The following THRAP3 variants were observed in gnomAD, a reference collection of about 807,000 sequenced individuals.
The protein encoded by THRAP3 is thyroid hormone receptor associated protein 3, also known as thyroid hormone receptor-associated protein 3.
A neutral mutation model predicts 101.0 loss-of-function variants in THRAP3; 16 were observed. The observed-to-expected ratio is 0.16, with a 90% CI of 0.11 to 0.24. The LOEUF is 0.24. THRAP3 is among the 10% of genes least tolerant of loss of function. The pLI is 1.00. For synonymous variants in THRAP3, 407 were observed against 422.6 expected (o/e 0.96, Z 0.45); for missense variants, 989 against 1,202.7 (o/e 0.82, Z 2.63).
intron 4 of THRAP3, chr1:36,288,722 T>C: frequency 3.0e-6 from 3 of 985,468 alleles, no homozygotes; most frequent in Non-Finnish European, 3.6e-6. Flanking sequence ...GGTAAGACCT[T>C]AAGTTATTTT....
intron 1 of THRAP3, among the ~76,000 whole-genome samples, chr1:36,251,940 C>T (rs1433906582): frequency 6.6e-6 from 1 of 152,116 alleles, no homozygotes; most frequent in Non-Finnish European, 1.5e-5. Context: ...GGCTTCAGAG[C>T]CAGATGTGCT....
At chr1:36,222,421 T>C (rs989071573), upstream of THRAP3, among the ~76,000 whole-genome samples, 2 of 152,094 alleles carry the variant, frequency 1.3e-5, no homozygotes, top group African/African-American at 2.4e-5. Context: ...TTTTCTTTTT[T>C]TTTGAGACGG....
chr1:36,210,746 AAAGTGTCAGC>A, the THRAP3 span, among the ~76,000 whole-genome samples: 2 of 98,868 alleles, frequency 2.0e-5, no homozygotes, highest in Admixed American at 1.4e-4. Context: ...TCATATATAT[AAAGTGTCAGC>A]TTTGGAAACA....
At chr1:36,287,845 T>C in intron 4 of THRAP3, 1 of 985,428 alleles carries the variant, frequency 1.0e-6, no homozygotes, top group Non-Finnish European at 1.2e-6. Context: ...ATGACAGTGC[T>C]TCCGTCTTTC....
intron 8 of THRAP3, among the ~76,000 whole-genome samples, chr1:36,295,654 CCCTTCCCCTT>C (rs529819975): frequency 8.0e-4 from 121 of 151,322 alleles, no homozygotes; most frequent in African/African-American, 2.6e-3. Context: ...GTTTCTTTCC[CCCTTCCCCTT>C]CCTTTCCCTT....
At chr1:36,214,501 C>CT in the THRAP3 span, among the ~76,000 whole-genome samples, 502 of 152,310 alleles carry the variant, frequency 3.3e-3, 4 homozygotes, top group African/African-American at 0.012. Flanking sequence ...CCTCACTGGT[C>CT]TCCCCACTTT....
chr1:36,253,065 G>C (rs190394589), intron 1 of THRAP3, among the ~76,000 whole-genome samples: 387 of 150,784 alleles, frequency 2.6e-3, no homozygotes, highest in Non-Finnish European at 4.2e-3. Flanking sequence ...GGGTTTCCAA[G>C]TTAGCAGTGC....
rs368965327 is a variant in THRAP3, at chr1:36,301,292, T to C, written c.2502+208T>C. The stretch of plus-strand genomic sequence containing the variant: ...AATCACTTAGCTAGAAAGCCTCTTA[T>C]GGCTTCTGGTCTCAGAACTTCCCCC... On this transcript the variant is annotated intron_variant, in intron 10 of 11. Transcript: ENST00000354618. 5.9e-5 allele frequency among the ~76,000 whole-genome samples: 9 copies of C among 152,358 alleles called. No individual in the cohort carries two copies. In the East Asian group the frequency reaches 9.6e-4, roughly 16 times the overall value.
intron 8 of THRAP3, among the ~76,000 whole-genome samples, chr1:36,294,835 C>G (rs1645924572): frequency 1.3e-5 from 2 of 152,142 alleles, no homozygotes; most frequent in South Asian, 4.1e-4. Context: ...AGGTGTTACC[C>G]CTGGGAGCAG....
intron 1 of THRAP3, among the ~76,000 whole-genome samples, chr1:36,249,720 G>GTGT (rs1553193619): frequency 4.1e-5 from 6 of 146,914 alleles, no homozygotes; most frequent in East Asian, 2.0e-4. Context: ...GTGTGTGTGT[G>GTGT]GTGGAGGTTG....
At chr1:36,273,439 G>A (rs143215187) in intron 2 of THRAP3, among the ~76,000 whole-genome samples, 1 of 152,058 alleles carries the variant, frequency 6.6e-6, no homozygotes, top group East Asian at 1.9e-4. Context: ...ATGATAAAGG[G>A]CATCTATGAA....
intron 2 of THRAP3, among the ~76,000 whole-genome samples, chr1:36,277,993 C>G (rs1645682768): frequency 6.6e-6 from 1 of 151,444 alleles, no homozygotes; most frequent in South Asian, 2.1e-4. Flanking sequence ...GAACTCCTGA[C>G]CTCAGGTGAT....
chr1:36,232,879 C>CTTTTT (rs11448026), intron 1 of THRAP3, among the ~76,000 whole-genome samples: 22 of 139,132 alleles, frequency 1.6e-4, no homozygotes, highest in African/African-American at 5.6e-4. Context: ...CGAACTGTAT[C>CTTTTT]TTTTTTTTTT....
intron 2 of THRAP3, among the ~76,000 whole-genome samples, chr1:36,265,320 C>T (rs1358089301): frequency 6.6e-6 from 1 of 152,150 alleles, no homozygotes; most frequent in Non-Finnish European, 1.5e-5. Flanking sequence ...AAAGGTCTTA[C>T]TAGTAATCTT....
At chr1:36,291,569 T>C (rs779145047) in intron 6 of THRAP3, 23 bp downstream of exon 6, 24 of 1,608,586 alleles carry the variant, frequency 1.5e-5, no homozygotes, top group Non-Finnish European at 6.8e-6. Context: ...CCTGGCCTGC[T>C]TCAGGCTCGT....
intron 2 of THRAP3, 54 bp from the exon 3 acceptor site, chr1:36,282,479 T>C (rs909168483): frequency 7.5e-6 from 10 of 1,330,482 alleles, no homozygotes; most frequent in South Asian, 5.1e-5. Flanking sequence ...TCCAAAGAGG[T>C]TCACATTTGC....
In THRAP3 at chr1:36,296,636, T is replaced by A; in HGVS notation, c.2169T>A (p.Arg723=). The part of the protein sequence containing the change: ...DPVDLRLDIE[R]RKKHKERDLK... ...TTGATCTCCGCCTTGATATTGAACGTCGTAAAAAACATAAGGAGAGAGATC... is the reference window on the plus strand; with the variant it reads ...TTGATCTCCGCCTTGATATTGAACGACGTAAAAAACATAAGGAGAGAGATC... The change falls in exon 9 of 12, where the codon CGT becomes CGA. Residue 723 remains arginine (R), a synonymous_variant. Transcript: ENST00000354618. 7 of 1,599,126 alleles carry A rather than the reference T, an allele frequency of 4.4e-6. No individual in the cohort carries two copies. Among genetic ancestry groups the A allele is most frequent in the Non-Finnish European group, 6.0e-6 (7 of 1,176,318 alleles).
intron 1 of THRAP3, among the ~76,000 whole-genome samples, chr1:36,248,966 C>A (rs1645264949): frequency 1.3e-5 from 2 of 150,200 alleles, no homozygotes; most frequent in Non-Finnish European, 3.0e-5. Flanking sequence ...GTGGCGTGAT[C>A]CTCAGCTCAC....
At chr1:36,226,461 T>C (rs185130388) in intron 1 of THRAP3, among the ~76,000 whole-genome samples, 38 of 152,282 alleles carry the variant, frequency 2.5e-4, no homozygotes, top group African/African-American at 8.7e-4. Context: ...GGTTTCACCA[T>C]GTTGGCCAGG....
Sources: gnomAD v4.1 joint callset for allele counts (sites outside exome capture counted in the v4.1 genomes callset) on GRCh38, gnomAD v4.1.1 for gene constraint, MANE v1.5 for transcripts, NCBI Gene and HGNC (gene_info 2026-07-23, HGNC 2026-07-21) for gene names.